The following KRT2 variants were observed in gnomAD, a reference collection of about 807,000 sequenced individuals.
The protein encoded by KRT2 is keratin 2, also known as keratin, type II cytoskeletal 2 epidermal.
A neutral mutation model predicts 48.5 loss-of-function variants in KRT2; 37 were observed. The observed-to-expected ratio is 0.76, with a 90% CI of 0.59 to 1.00. KRT2 has a LOEUF of 1.00. Among genes scored for constraint, KRT2 ranks in the 50% least tolerant of loss-of-function variants. The pLI is 0.00. For synonymous variants in KRT2, 324 were observed against 312.2 expected (o/e 1.04, Z -0.40); for missense variants, 880 against 815.2 (o/e 1.08, Z -0.97).
Position 52,651,954 on chromosome 12 carries a change from A to G in KRT2, c.189T>C (p.Leu63=). The G allele has an allele frequency of 6.2e-7, 1 of 1,613,748 alleles. No individual in the cohort carries two copies. Residue 63 remains leucine (L), a synonymous_variant, in exon 1 of 9, where the codon CTT becomes CTC. Transcript: ENST00000309680. ...FGGGGFGSRS[L]VGLGGTKSIS... is the part of the protein sequence containing the mutation. ...TGCTCTTGGTCCCTCCAAGGCCAAC[A>G]AGACTCCGACTGCCAAAGCCGCCTC...
chr12:52,648,329 G>C lies in KRT2; in HGVS notation c.966C>G (p.Ser322=), dbSNP rs767592404. The C allele has an allele frequency of 6.2e-7, 1 of 1,613,798 alleles. No individual in the cohort carries two copies. The highest frequency in any genetic ancestry group is 1.3e-5 in the African/African-American group (1 of 74,900). The stretch of plus-strand genomic sequence containing the variant: ...TGTCAGTGACACTCTGATGTATCTG[G>C]GATATCTCCTACAACACACAGGAAG... ...FLKVLYDAEI[S]QIHQSVTDTN... Residue 322 remains serine, a synonymous_variant, in exon 5 of 9, where the codon TCC becomes TCG. Coordinates refer to ENST00000309680, the MANE Select transcript of KRT2 (RefSeq NM_000423.3).
chr12:52,645,056 T>C lies in KRT2; in HGVS notation c.1883A>G (p.Glu628Gly). ...GAAGGTCACGCTGGAACCAAAAGCT[T>C]CACCTGAGCTACCCTTTACAGAGCT... ...GSSSVKGSSGEAFGSSVTFSF... is the reference protein window; with the variant it reads ...GSSSVKGSSGGAFGSSVTFSF... The change falls in exon 9 of 9, where the codon GAA becomes GGA. Residue 628 changes from glutamate (E) to glycine (G), a missense_variant. Glu to Gly is a moderately conservative substitution (Grantham distance 98). Coordinates refer to ENST00000309680, the MANE Select transcript of KRT2 (RefSeq NM_000423.3). The C allele has an allele frequency of 1.2e-6, 2 of 1,613,958 alleles. No individual in the cohort carries two copies. Among genetic ancestry groups the C allele is most frequent in the Non-Finnish European group, 1.7e-6 (2 of 1,180,010 alleles).
chr12:52,652,129 A>T lies in KRT2; in HGVS notation c.14T>A (p.Ile5Asn), dbSNP rs2120957534. Reference sequence around the variant, plus strand: ...TCCTCTTCCTCGAGATTTGCAAGAGATCTGACAACTCATGATGCCTTTGTC... The same window carrying T: ...TCCTCTTCCTCGAGATTTGCAAGAGTTCTGACAACTCATGATGCCTTTGTC... MSCQISCKSRGRGGG... is the reference protein window; with the variant it reads MSCQNSCKSRGRGGG... Residue 5 changes from isoleucine to asparagine, a missense_variant, in exon 1 of 9, where the codon ATC (isoleucine) becomes AAC (asparagine). Transcript: ENST00000309680. The T allele has an allele frequency of 6.5e-7, 1 of 1,549,242 alleles. No individual in the cohort carries two copies. The highest frequency in any genetic ancestry group is 1.4e-5 in the African/African-American group (1 of 73,842).
rs1397458406 is a variant in KRT2, at chr12:52,645,349, T to C, written c.1590A>G (p.Gly530=). 2 of 1,614,018 alleles carry C rather than the reference T, an allele frequency of 1.2e-6. No homozygotes were observed. Among genetic ancestry groups the C allele is most frequent in the South Asian group, 1.1e-5 (1 of 91,084 alleles). Residue 530 remains glycine, a synonymous_variant, in exon 9 of 9, where the codon GGA becomes GGG. Coordinates refer to ENST00000309680, the MANE Select transcript of KRT2 (RefSeq NM_000423.3). ...AACTGCTGCTTCCAGAGCTGTATCCTCCTCCGGAACTGGACCCTCTACCTC... is the reference window on the plus strand; with the variant it reads ...AACTGCTGCTTCCAGAGCTGTATCCCCCTCCGGAACTGGACCCTCTACCTC... ...GSGGRGSSSG[G]GYSSGSSSYG... is the part of the protein sequence containing the mutation.
Position 52,644,667 on chromosome 12 carries a change from C to A in KRT2, c.*352G>T. 1 of 353,006 alleles carries A rather than the reference C, an allele frequency of 2.8e-6. No homozygotes were observed. Among genetic ancestry groups the A allele is most frequent in the Non-Finnish European group, 5.3e-6 (1 of 189,480 alleles). The allele number at this position is 353,006 out of a possible 1,614,324, so 21.9% of individuals were successfully genotyped here. The stretch of plus-strand genomic sequence containing the variant: ...GAAACACATTTCCCCCCAGCACTGC[C>A]AGGCTTAGAGATGAAATCCCTGGAT... On this transcript the variant is annotated 3_prime_UTR_variant, in exon 9 of 9. Coordinates refer to ENST00000309680, the MANE Select transcript of KRT2 (RefSeq NM_000423.3).
chr12:52,651,030 G>A (rs757989613), intron 1 of KRT2, among the ~76,000 whole-genome samples: 1 of 152,102 alleles, frequency 6.6e-6, no homozygotes, highest in African/African-American at 2.4e-5. Flanking sequence ...AGACAGGTTC[G>A]TCTGCCTTGA....
chr12:52,651,172 A>G (rs116811670), intron 1 of KRT2, among the ~76,000 whole-genome samples: 1,656 of 152,356 alleles, frequency 0.011, 35 homozygotes, highest in African/African-American at 0.037. Context: ...TCAGCTTCCC[A>G]GAGTTTAGTA....
At chr12:52,651,148 C>T (rs1941242541) in intron 1 of KRT2, among the ~76,000 whole-genome samples, 2 of 152,198 alleles carry the variant, frequency 1.3e-5, no homozygotes, top group Non-Finnish European at 2.9e-5. Context: ...CATTCCCAAG[C>T]AGATATTTCA....
At chr12:52,645,793 T>C (rs1941155646) in intron 7 of KRT2, among the ~76,000 whole-genome samples, 1 of 152,204 alleles carries the variant, frequency 6.6e-6, no homozygotes, top group Non-Finnish European at 1.5e-5. Flanking sequence ...TTTGCTCTGA[T>C]AAAAAATGAA....
intron 3 of KRT2, among the ~76,000 whole-genome samples, chr12:52,649,560 C>T (rs528126894): frequency 3.9e-5 from 6 of 152,306 alleles, no homozygotes; most frequent in African/African-American, 1.4e-4. Context: ...GTCAGCACAA[C>T]CAACAGCAAC....
rs1417118471 is a variant in KRT2 at position 52,644,742 on chromosome 12, G to C, written c.*277C>G. 3.9e-6 allele frequency: 2 copies of C among 509,360 alleles called. No homozygotes were observed. The highest frequency in any genetic ancestry group is 3.8e-5 in the African/African-American group (2 of 52,002). 31.6% of individuals were successfully genotyped at this position (509,360 alleles called of 1,614,324 possible). ...ACATCTGGAAAATGGGCAATGCAAA[G>C]AGGCATGGTGGGGGCGGGAATGGGC... On this transcript the variant is annotated 3_prime_UTR_variant, in exon 9 of 9. Transcript: ENST00000309680.
In KRT2 at chr12:52,649,056, A is replaced by G. The variant is rs1334026538; in HGVS notation, c.908T>C (p.Val303Ala). 8.1e-6 allele frequency: 13 copies of G among 1,613,554 alleles called. No individual in the cohort carries two copies. Among genetic ancestry groups the G allele is most frequent in the Non-Finnish European group, 1.1e-5 (13 of 1,179,628 alleles). The change falls in exon 4 of 9, where the codon GTG becomes GCG. Residue 303 changes from valine to alanine, a missense_variant. Physicochemically the swap from Val to Ala is moderately conservative, Grantham distance 64. Coordinates refer to ENST00000309680, the MANE Select transcript of KRT2 (RefSeq NM_000423.3). The part of the protein sequence containing the change: ...YMIKVELQSK[V>A]DLLNQEIEFL... Reference sequence around the variant, plus strand: ...CTCAATTTCCTGGTTCAGCAGGTCCACCTTGGACTGCAACTCCACCTTTAT... The same window carrying G: ...CTCAATTTCCTGGTTCAGCAGGTCCGCCTTGGACTGCAACTCCACCTTTAT...
chr12:52,651,994 C>T lies in KRT2; in HGVS notation c.149G>A (p.Gly50Asp), dbSNP rs1319620796. The change falls in exon 1 of 9, where the codon GGC becomes GAC. Residue 50 changes from glycine (G) to aspartate (D), a missense_variant. By Grantham distance (94) the Gly-to-Asp change is moderately conservative. Transcript: ENST00000309680. ...AAAGCCGCCTCCACCGAAGCCCCCGCCACCACCACCATGGCGGCTCAAGCA... is the reference window on the plus strand; with the variant it reads ...AAAGCCGCCTCCACCGAAGCCCCCGTCACCACCACCATGGCGGCTCAAGCA... ...FSCLSRHGGG[G>D]GGFGGGGFGS... is the part of the protein sequence containing the mutation. 1 of 1,611,596 alleles carries T rather than the reference C, an allele frequency of 6.2e-7. No individual in the cohort carries two copies. Among genetic ancestry groups the T allele is most frequent in the Non-Finnish European group, 8.5e-7 (1 of 1,179,066 alleles).
chr12:52,652,185 A>G lies in KRT2; in HGVS notation c.-43T>C, dbSNP rs1941265940. ...AGGAAAGTCACAGGCTCTTGAGAAG[A>G]GTCAAGGCTGGAGACTCAACTGTGC... On this transcript the variant is annotated 5_prime_UTR_variant, in exon 1 of 9. Transcript: ENST00000309680. 1 of 1,433,656 alleles carries G rather than the reference A, an allele frequency of 7.0e-7. No individual in the cohort carries two copies. Among genetic ancestry groups the G allele is most frequent in the Non-Finnish European group, 9.5e-7 (1 of 1,052,580 alleles). The allele number at this position is 1,433,656 out of a possible 1,614,324, so 88.8% of individuals were successfully genotyped here.
Position 52,645,179 on chromosome 12 carries a change from C to T in KRT2, c.1760G>A (p.Gly587Glu). Residue 587 changes from glycine to glutamate, a missense_variant, in exon 9 of 9, where the codon GGA (glycine) becomes GAA (glutamate). By Grantham distance (98) the Gly-to-Glu change is moderately conservative. Coordinates refer to ENST00000309680, the MANE Select transcript of KRT2 (RefSeq NM_000423.3). ...TTTTCCACCTCCAGAGCCATATCCT[C>T]CTCCAGAGATGGACCCTCCCTTAGA... ...GGSKGGSISG[G>E]GYGSGGGKHS... 6.2e-7 allele frequency: 1 copy of T among 1,614,090 alleles called. No homozygotes were observed. The highest frequency in any genetic ancestry group is 8.5e-7 in the Non-Finnish European group (1 of 1,180,020).
intron 3 of KRT2, 69 bp downstream of exon 3, chr12:52,649,845 C>T: frequency 8.3e-7 from 1 of 1,198,866 alleles, no homozygotes; most frequent in Non-Finnish European, 1.2e-6. Context: ...TCCAAACTGG[C>T]TGCTTAGACA....
rs758358763 is a variant in KRT2, at chr12:52,645,014, C to T, written c.*5G>A. 4 of 1,613,444 alleles carry T rather than the reference C, an allele frequency of 2.5e-6. No homozygotes were observed. Among genetic ancestry groups the T allele is most frequent in the Non-Finnish European group, 3.4e-6 (4 of 1,179,690 alleles). On this transcript the variant is annotated 3_prime_UTR_variant, in exon 9 of 9. Transcript: ENST00000309680. ...GGGAGAGTCGGTGGTGGTGGGGGCT[C>T]ATCTTTATCTAAAAGAGAAGGTCAC...
chr12:52,646,623 C>A (rs933806896), intron 7 of KRT2, 117 bp downstream of exon 7: 6 of 1,076,744 alleles, frequency 5.6e-6, no homozygotes, highest in South Asian at 1.3e-5. Flanking sequence ...TGTCAGTTCT[C>A]AGTTGTCAGG....
In KRT2 at chr12:52,649,858, A is replaced by G. The variant is rs1327913307; in HGVS notation, c.861+56T>C. ...TTTCCAAACTGGCTGCTTAGACACA[A>G]TGGGGCTGTGAAGCACTCCTATCCC... On this transcript the variant is annotated intron_variant, in intron 3 of 8. Transcript: ENST00000309680. 8 of 1,341,838 alleles carry G rather than the reference A, an allele frequency of 6.0e-6. No individual in the cohort carries two copies. In the East Asian group the frequency reaches 1.1e-4, roughly 19 times the overall value. 83.1% of individuals were successfully genotyped at this position (1,341,838 alleles called of 1,614,324 possible).
Sources: allele counts gnomAD v4.1 joint callset (sites outside exome capture counted in the v4.1 genomes callset), GRCh38; gene constraint gnomAD v4.1.1; transcripts MANE v1.5; gene names NCBI Gene and HGNC (gene_info 2026-07-23, HGNC 2026-07-21).